Variants in GRIA3 observed in about 807,000 individuals in gnomAD.
GRIA3 encodes the protein glutamate ionotropic receptor AMPA type subunit 3, also known as glutamate receptor 3.
Under a neutral mutation model 63.0 loss-of-function variants are expected in GRIA3, and 3 were observed. The ratio of observed to expected loss-of-function variants is 0.05; its 90% confidence interval spans 0.02 to 0.12. GRIA3 has a LOEUF of 0.12. Ranked by LOEUF, GRIA3 falls within the 10% of genes least tolerant of loss-of-function variation. GRIA3 has a pLI of 1.00. For missense variants in GRIA3, 347 were observed against 700.9 expected (o/e 0.50, Z 5.70); for synonymous variants, 274 against 257.9 (o/e 1.06, Z -0.60).
At chrX:123,445,477 C>T (rs1309162890) in intron 12 of GRIA3, among the ~76,000 whole-genome samples, 1 of 112,198 alleles carries the variant, frequency 8.9e-6, no homozygotes, top group African/African-American at 3.2e-5. Flanking sequence ...CACCTTGAAG[C>T]TCTTTTTACT....
intron 3 of GRIA3, among the ~76,000 whole-genome samples, chrX:123,325,610 C>T (rs993923835): frequency 1.8e-5 from 2 of 111,565 alleles, no homozygotes; most frequent in African/African-American, 3.3e-5. Flanking sequence ...TATAATGAGG[C>T]GCTATCTCTA....
chrX:123,465,726 A>C, intron 13 of GRIA3: 1 of 1,211,242 alleles, frequency 8.3e-7, no homozygotes, highest in Non-Finnish European at 1.1e-6. Context: ...CCTCTTGGAC[A>C]AATTGAAAAA....
At position 123,489,641 on chromosome X, in the gene GRIA3, G is replaced by A. The variant is rs1053954540; in HGVS notation, c.*931G>A. On this transcript the variant is annotated 3_prime_UTR_variant, in exon 16 of 16. Transcript: ENST00000620443. Reference sequence around the variant, plus strand: ...AGCTGAGTATCTAGCATTGAGGTGAGGGAAATGCTGCCTATACTCCCAGAT... The same window carrying A: ...AGCTGAGTATCTAGCATTGAGGTGAAGGAAATGCTGCCTATACTCCCAGAT... 2.7e-5 allele frequency: 3 copies of A among 111,852 alleles called. No homozygotes were observed. The highest frequency in any genetic ancestry group is 9.8e-5 in the African/African-American group (3 of 30,673). The allele number at this position is 111,852 out of a possible 1,213,427, so 9.2% of individuals were successfully genotyped here. A position where few individuals can be genotyped will look rare whatever the true frequency, so the allele number is the denominator to read the frequency against.
chrX:123,289,224 A>ATT (rs2044640576), intron 3 of GRIA3, among the ~76,000 whole-genome samples: 1 of 110,378 alleles, frequency 9.1e-6, no homozygotes, highest in African/African-American at 3.3e-5. Context: ...AACAATGAGA[A>ATT]CACATGGACA....
intron 10 of GRIA3, among the ~76,000 whole-genome samples, chrX:123,409,418 T>C (rs2045493856): frequency 8.9e-6 from 1 of 112,143 alleles, no homozygotes; most frequent in Admixed American, 9.4e-5. Context: ...TCTAAGGAAA[T>C]TCAAATCAGG....
At chrX:123,258,076 G>A (rs993375739) in intron 3 of GRIA3, among the ~76,000 whole-genome samples, 1 of 111,974 alleles carries the variant, frequency 8.9e-6, no homozygotes, top group Non-Finnish European at 1.9e-5. Context: ...CTGCCCTATC[G>A]GTACCCTCTC....
rs761846234 is a variant in GRIA3, at chrX:123,377,372, C to A, written c.751-17596C>A. ...TATTTGCATATATCAACAGTTGAATCTAACAATTTGTGGTATAAAGACATG... is the reference window on the plus strand; with the variant it reads ...TATTTGCATATATCAACAGTTGAATATAACAATTTGTGGTATAAAGACATG... On this transcript the variant is annotated intron_variant, in intron 5 of 15. Transcript: ENST00000620443. 2.7e-5 allele frequency among the ~76,000 whole-genome samples: 3 copies of A among 112,248 alleles called. No individual in the cohort carries two copies. In the East Asian group the frequency reaches 8.4e-4, roughly 31 times the overall value.
At chrX:123,298,817 T>G (rs1288573393) in intron 3 of GRIA3, among the ~76,000 whole-genome samples, 2 of 111,618 alleles carry the variant, frequency 1.8e-5, no homozygotes, top group African/African-American at 6.5e-5. Flanking sequence ...ATGCCTATGT[T>G]CTGAATGCTA....
chrX:123,289,802 G>C (rs1015758254), intron 3 of GRIA3, among the ~76,000 whole-genome samples: 1 of 110,485 alleles, frequency 9.1e-6, no homozygotes, highest in Middle Eastern at 4.7e-3. Flanking sequence ...AATCCATTTG[G>C]ACTGAGACAT....
chrX:123,184,706 C>A, intron 1 of GRIA3, 62 bp downstream of exon 1: 1 of 807,276 alleles, frequency 1.2e-6, no homozygotes, highest in Non-Finnish European at 1.9e-6. Flanking sequence ...ACTGCCCCGG[C>A]AAGGCTTTCC....
At chrX:123,430,302 T>G (rs1200949591) in intron 12 of GRIA3, among the ~76,000 whole-genome samples, 3 of 111,813 alleles carry the variant, frequency 2.7e-5, no homozygotes, top group Admixed American at 9.5e-5. Flanking sequence ...GAAGTACAAA[T>G]CATTTTCTAG....
At chrX:123,441,743 A>G (rs961655917) in intron 12 of GRIA3, among the ~76,000 whole-genome samples, 4 of 111,606 alleles carry the variant, frequency 3.6e-5, no homozygotes, top group Non-Finnish European at 5.7e-5. Context: ...ATAATCATAA[A>G]AAGAGTCAAA....
rs902688540 is a variant in GRIA3, at chrX:123,488,758, C to T, written c.*48C>T. 4.5e-5 allele frequency: 5 copies of T among 111,418 alleles called. No individual in the cohort carries two copies. Among genetic ancestry groups the T allele is most frequent in the African/African-American group, 6.6e-5 (2 of 30,531 alleles). The allele number at this position is 111,418 out of a possible 1,213,427, so 9.2% of individuals were successfully genotyped here. On this transcript the variant is annotated 3_prime_UTR_variant, in exon 16 of 16. Transcript: ENST00000620443. ...TGTGATGAGAGGAAATCACCGAAAA[C>T]GTGGCTGCTTCAAGGATCCTGAGCC... is the stretch of plus-strand genomic sequence containing the variant.
chrX:123,216,661 C>T (rs1928165505), intron 2 of GRIA3, among the ~76,000 whole-genome samples: 1 of 111,497 alleles, frequency 9.0e-6, no homozygotes, highest in African/African-American at 3.3e-5. Context: ...GCCAAGCCTC[C>T]ACCACCACCA....
intron 10 of GRIA3, 65 bp from the exon 11 acceptor site, chrX:123,417,337 C>A: frequency 2.1e-6 from 2 of 961,097 alleles, no homozygotes; most frequent in Non-Finnish European, 1.5e-6. Context: ...TATTAAGCGA[C>A]AAATAACTGA....
intron 3 of GRIA3, among the ~76,000 whole-genome samples, chrX:123,274,096 A>G (rs187186125): frequency 2.0e-3 from 225 of 112,597 alleles, no homozygotes; most frequent in African/African-American, 6.8e-3. Context: ...TAGGGTTACC[A>G]GATGAAATAT....
At chrX:123,458,547 G>A (rs758673418) in intron 12 of GRIA3, among the ~76,000 whole-genome samples, 5 of 111,330 alleles carry the variant, frequency 4.5e-5, no homozygotes, top group South Asian at 3.8e-4. Context: ...TCACTTCACC[G>A]GGTGAGAGGC....
Position 123,203,624 on chromosome X carries a change from C to A in GRIA3, c.268+17634C>A, listed in dbSNP as rs192331573. Among the ~76,000 whole-genome samples, 3 of 111,739 alleles carry A rather than the reference C, an allele frequency of 2.7e-5. No individual in the cohort carries two copies. The East Asian group carries it at 8.4e-4, about 31-fold the overall frequency. ...CTTCAAGTCTGGCCTCCACAGCAGA[C>A]GTCCATGCTCTGAAATTTATATCTC... On this transcript the variant is annotated intron_variant, in intron 2 of 15. Coordinates refer to ENST00000620443, the MANE Select transcript of GRIA3 (RefSeq NM_007325.5).
intron 5 of GRIA3, among the ~76,000 whole-genome samples, chrX:123,370,904 C>T (rs1481692368): frequency 9.0e-6 from 1 of 110,588 alleles, no homozygotes; most frequent in East Asian, 2.8e-4. Context: ...GCCAATTATC[C>T]TCTTTTAGTT....
Sources: gnomAD v4.1 joint callset for allele counts (sites outside exome capture counted in the v4.1 genomes callset) on GRCh38, gnomAD v4.1.1 for gene constraint, MANE v1.5 for transcripts, NCBI Gene and HGNC (gene_info 2026-07-23, HGNC 2026-07-21) for gene names.